The following UTRN variants were observed in gnomAD, a reference collection of about 807,000 sequenced individuals.
UTRN encodes utrophin.
A neutral mutation model predicts 463.9 loss-of-function variants in UTRN; 283 were observed. The ratio of observed to expected loss-of-function variants is 0.61; its 90% confidence interval spans 0.55 to 0.67. UTRN has a LOEUF of 0.67. UTRN is among the 30% of genes least tolerant of loss of function. The probability of loss-of-function intolerance (pLI) is 0.00; values close to 1 mark genes in which losing one functional copy is unlikely to be tolerated. For synonymous variants in UTRN, 1,442 were observed against 1,431.5 expected (o/e 1.01, Z -0.17); for missense variants, 3,922 against 4,084.3 (o/e 0.96, Z 1.08).
At chr6:144,489,159 C>G (rs947733929) in intron 30 of UTRN, among the ~76,000 whole-genome samples, 1 of 152,106 alleles carries the variant, frequency 6.6e-6, no homozygotes, top group African/African-American at 2.4e-5. Flanking sequence ...AAGTGACTCT[C>G]CTGCCTCAGC....
intron 65 of UTRN, among the ~76,000 whole-genome samples, chr6:144,804,216 G>A (rs1364165951): frequency 6.6e-6 from 1 of 152,082 alleles, no homozygotes; most frequent in East Asian, 1.9e-4. Context: ...CACACTCATA[G>A]GTATCTTATC....
At chr6:144,594,200 C>A (rs1803405817) in intron 51 of UTRN, among the ~76,000 whole-genome samples, 1 of 152,076 alleles carries the variant, frequency 6.6e-6, no homozygotes, top group African/African-American at 2.4e-5. Context: ...GACCAATTTC[C>A]TTATTTTATA....
At chr6:144,836,755 T>C in intron 71 of UTRN, 1 of 692,698 alleles carries the variant, frequency 1.4e-6, no homozygotes, top group Non-Finnish European at 2.3e-6. Flanking sequence ...TACAATGGAA[T>C]TTCCCAGTCT....
intron 46 of UTRN, 132 bp downstream of exon 46, chr6:144,543,002 GA>G: frequency 5.3e-6 from 4 of 754,072 alleles, no homozygotes; most frequent in Non-Finnish European, 8.3e-6. Context: ...TACTTTCAAT[GA>G]TTTGGAAAGA....
At chr6:144,543,981 G>A (rs1006498751) in intron 46 of UTRN, among the ~76,000 whole-genome samples, 1 of 152,026 alleles carries the variant, frequency 6.6e-6, no homozygotes, top group African/African-American at 2.4e-5. Context: ...TGCAAATACA[G>A]GCTCAACTCC....
At chr6:144,485,343 T>C (rs375764558) in intron 27 of UTRN, 42 bp from the exon 28 acceptor site, 3 of 1,612,622 alleles carry the variant, frequency 1.9e-6, no homozygotes, top group Non-Finnish European at 2.5e-6. Flanking sequence ...ATACGATGTG[T>C]GAAATGGCTT....
intron 50 of UTRN, among the ~76,000 whole-genome samples, chr6:144,557,686 T>C (rs1168370527): frequency 6.6e-6 from 1 of 152,086 alleles, no homozygotes; most frequent in Non-Finnish European, 1.5e-5. Context: ...TAAAGGTAAT[T>C]GGAATAGCGT....
intron 2 of UTRN, among the ~76,000 whole-genome samples, chr6:144,346,861 GTCTA>G (rs1403871598): frequency 6.8e-6 from 1 of 146,314 alleles, no homozygotes; most frequent in Non-Finnish European, 1.5e-5. Flanking sequence ...CTATCTCTCT[GTCTA>G]TCTATGTATC....
chr6:144,350,374 A>G (rs569036309), intron 2 of UTRN, among the ~76,000 whole-genome samples: 1 of 152,188 alleles, frequency 6.6e-6, no homozygotes, highest in African/African-American at 2.4e-5. Context: ...CTTGTTTTCT[A>G]TGAATGTAAA....
At chr6:144,466,575 C>A (rs529017784) in intron 23 of UTRN, among the ~76,000 whole-genome samples, 1 of 152,204 alleles carries the variant, frequency 6.6e-6, no homozygotes, top group South Asian at 2.1e-4. Flanking sequence ...TATACCCCTT[C>A]CAGGTGACAA....
chr6:144,546,258 C>T (rs137985146), intron 46 of UTRN, among the ~76,000 whole-genome samples: 234 of 152,254 alleles, frequency 1.5e-3, no homozygotes, highest in African/African-American at 5.4e-3. Flanking sequence ...GCCCAGTTTA[C>T]ACTGACACTG....
intron 52 of UTRN, 152 bp downstream of exon 52, chr6:144,678,730 A>G (rs1264009605): frequency 1.3e-6 from 1 of 744,318 alleles, no homozygotes; most frequent in Non-Finnish European, 2.1e-6. Context: ...TGTTTCCTTG[A>G]GTTATATAGT....
chr6:144,586,863 T>C (rs1161103852), intron 51 of UTRN, among the ~76,000 whole-genome samples: 1 of 152,206 alleles, frequency 6.6e-6, no homozygotes, highest in African/African-American at 2.4e-5. Flanking sequence ...AAAATGTTGA[T>C]TTAAGTGATA....
rs946143272 is a variant in UTRN at position 144,851,287 on chromosome 6, A to G, written c.*290A>G. On this transcript the variant is annotated 3_prime_UTR_variant, in exon 75 of 75. Coordinates refer to ENST00000367545, the MANE Select transcript of UTRN (RefSeq NM_007124.3). ...GGTAATACATTTGTCACGGATTTGTATAATGTATACAGCATTGGGAAAGTG... is the reference window on the plus strand; with the variant it reads ...GGTAATACATTTGTCACGGATTTGTGTAATGTATACAGCATTGGGAAAGTG... 1.0e-5 allele frequency: 5 copies of G among 476,850 alleles called. No individual in the cohort carries two copies. Among genetic ancestry groups the G allele is most frequent in the Admixed American group, 1.0e-4 (3 of 29,580 alleles). 29.5% of individuals were successfully genotyped at this position (476,850 alleles called of 1,614,324 possible). A position where few individuals can be genotyped will look rare whatever the true frequency, so the allele number is the denominator to read the frequency against.
At chr6:144,461,091 T>C (rs1298202923) in intron 21 of UTRN, 106 bp from the exon 22 acceptor site, 2 of 893,458 alleles carry the variant, frequency 2.2e-6, no homozygotes, top group East Asian at 6.0e-5. Flanking sequence ...ATTTTAATCA[T>C]GGGGTCTCCT....
chr6:144,844,461 GT>G (rs1372200518), intron 73 of UTRN, among the ~76,000 whole-genome samples: 1 of 151,986 alleles, frequency 6.6e-6, no homozygotes, highest in Admixed American at 6.6e-5. Flanking sequence ...TAGAGATCGG[GT>G]TTCACCATGT....
intron 51 of UTRN, among the ~76,000 whole-genome samples, chr6:144,652,298 C>A (rs1183005780): frequency 1.3e-5 from 2 of 152,182 alleles, no homozygotes; most frequent in African/African-American, 4.8e-5. Context: ...TGTCTCTGAA[C>A]CTGACAAACA....
intron 51 of UTRN, among the ~76,000 whole-genome samples, chr6:144,667,175 CT>C (rs1213803123): frequency 6.6e-6 from 1 of 152,120 alleles, no homozygotes; most frequent in Non-Finnish European, 1.5e-5. Flanking sequence ...CTGCCTCAGC[CT>C]CCCGAGTAGC....
chr6:144,817,779 G>T (rs1779213556), intron 65 of UTRN, among the ~76,000 whole-genome samples: 1 of 151,996 alleles, frequency 6.6e-6, no homozygotes, highest in Admixed American at 6.6e-5. Context: ...AAAGTTTATG[G>T]CAATAATGAG....
Sources: allele counts gnomAD v4.1 joint callset (sites outside exome capture counted in the v4.1 genomes callset), GRCh38; gene constraint gnomAD v4.1.1; transcripts MANE v1.5; gene names NCBI Gene and HGNC (gene_info 2026-07-23, HGNC 2026-07-21).